The following KIT variants were observed in gnomAD, a reference collection of about 807,000 sequenced individuals.
KIT encodes mast/stem cell growth factor receptor Kit.
KIT carries 16 observed loss-of-function variants against 105.7 expected under a neutral mutation model. The observed-to-expected ratio is 0.15, with a 90% CI of 0.10 to 0.23. The LOEUF (loss-of-function observed/expected upper bound fraction) is 0.23, where lower values mean the gene tolerates loss of function less well. Among genes scored for constraint, KIT ranks in the 10% least tolerant of loss-of-function variants. The pLI is 1.00. For missense variants in KIT, 858 were observed against 1,213.8 expected (o/e 0.71, Z 4.36); for synonymous variants, 438 against 441.1 (o/e 0.99, Z 0.09).
intron 6 of KIT, among the ~76,000 whole-genome samples, chr4:54,708,584 T>G (rs1016574710): frequency 6.6e-6 from 1 of 151,994 alleles, no homozygotes; most frequent in African/African-American, 2.4e-5. Flanking sequence ...TTTGGGGGCA[T>G]GAAAGTAGCT....
chr4:54,712,067 A>G (rs1055967794), intron 7 of KIT, among the ~76,000 whole-genome samples: 1 of 152,170 alleles, frequency 6.6e-6, no homozygotes, highest in African/African-American at 2.4e-5. Flanking sequence ...TGCAAGCATA[A>G]TATGCATATT....
intron 1 of KIT, among the ~76,000 whole-genome samples, chr4:54,669,691 A>G (rs1717968725): frequency 1.4e-5 from 2 of 145,034 alleles, no homozygotes; most frequent in African/African-American, 5.2e-5. Context: ...AGAAAAGTCC[A>G]GGAGTCCAGA....
chr4:54,724,288 G>A (rs1229779735), intron 8 of KIT, among the ~76,000 whole-genome samples: 2 of 152,148 alleles, frequency 1.3e-5, no homozygotes, highest in Non-Finnish European at 2.9e-5. Context: ...GGTCACCACA[G>A]CTGTTTTTAT....
rs200051328 is a variant in KIT, at chr4:54,678,350, TTCCCTCCC to T, written c.68-17141_68-17134del. On this transcript the variant is annotated intron_variant, in intron 1 of 20. Transcript: ENST00000288135. Reference sequence around the variant, plus strand: ...CTTCCTTCCTTCCTTCCTTCCTTCCTTCCCTCCCTCCCTCCCTCCCTCCCTCCCCCAAT... The same window carrying T: ...CTTCCTTCCTTCCTTCCTTCCTTCCTTCCCTCCCTCCCTCCCTCCCCCAAT... Among the ~76,000 whole-genome samples, 17 of 58,956 alleles carry T rather than the reference TTCCCTCCC, an allele frequency of 2.9e-4. No individual in the cohort carries two copies. The East Asian group carries it at 5.7e-3, about 20-fold the overall frequency. 38.7% of individuals were successfully genotyped at this position (58,956 alleles called of 152,430 possible).
At chr4:54,662,209 A>T (rs1024714127) in intron 1 of KIT, among the ~76,000 whole-genome samples, 1 of 152,162 alleles carries the variant, frequency 6.6e-6, no homozygotes, top group Non-Finnish European at 1.5e-5. Flanking sequence ...CAGGAATCCA[A>T]ATATGCCCCT....
chr4:54,662,968 C>T (rs1717395341), intron 1 of KIT, among the ~76,000 whole-genome samples: 1 of 151,444 alleles, frequency 6.6e-6, no homozygotes, highest in Non-Finnish European at 1.5e-5. Flanking sequence ...TTGAATAGAT[C>T]TTGAACTTTT....
intron 1 of KIT, among the ~76,000 whole-genome samples, chr4:54,666,517 A>T (rs1224660604): frequency 1.3e-5 from 2 of 152,078 alleles, no homozygotes; most frequent in Non-Finnish European, 2.9e-5. Flanking sequence ...TGACCTCGTG[A>T]TCCACACACC....
chr4:54,723,633 A>G lies in KIT; in HGVS notation c.1281A>G (p.Gln427=), dbSNP rs376889675. ...ACAGGCTCGTGAATGGCATGCTCCA[A>G]TGTGTGGCAGCAGGATTCCCAGAGC... is the stretch of plus-strand genomic sequence containing the variant. ...TYDRLVNGML[Q]CVAAGFPEPT... is the part of the protein sequence containing the mutation. The change falls in exon 8 of 21, where the codon CAA becomes CAG. Residue 427 remains glutamine, a synonymous_variant. Transcript: ENST00000288135. 5.0e-6 allele frequency: 8 copies of G among 1,614,122 alleles called. No homozygotes were observed. The highest frequency in any genetic ancestry group is 2.2e-5 in the South Asian group (2 of 91,084).
intron 1 of KIT, among the ~76,000 whole-genome samples, chr4:54,662,990 G>C (rs573257495): frequency 3.4e-5 from 5 of 146,304 alleles, no homozygotes; most frequent in Admixed American, 6.7e-5. Context: ...TTTTCTCCAG[G>C]GGGGAAAAAA....
At chr4:54,693,192 T>C (rs1719828142) in intron 1 of KIT, among the ~76,000 whole-genome samples, 1 of 152,204 alleles carries the variant, frequency 6.6e-6, no homozygotes, top group Admixed American at 6.5e-5. Context: ...ATTGAAATTG[T>C]ACTTTAGAAT....
chr4:54,678,089 A>G lies in KIT; in HGVS notation c.68-17423A>G, dbSNP rs1560380968. ...AACGTCTGCTAGATTAAGTGAATGTAATAAAACACAGTAAATTTGGGAAAA... is the reference window on the plus strand; with the variant it reads ...AACGTCTGCTAGATTAAGTGAATGTGATAAAACACAGTAAATTTGGGAAAA... On this transcript the variant is annotated intron_variant, in intron 1 of 20. Transcript: ENST00000288135. Among the ~76,000 whole-genome samples, 3 of 152,322 alleles carry G rather than the reference A, an allele frequency of 2.0e-5. No individual in the cohort carries two copies. The East Asian group carries it at 5.8e-4, about 29-fold the overall frequency.
chr4:54,665,289 T>C (rs1042891551), intron 1 of KIT, among the ~76,000 whole-genome samples: 5 of 152,228 alleles, frequency 3.3e-5, no homozygotes, highest in East Asian at 1.9e-4. Flanking sequence ...TGTTCCTCCT[T>C]TGATGGACAT....
At chr4:54,672,544 C>T (rs1305115898) in intron 1 of KIT, among the ~76,000 whole-genome samples, 3 of 152,104 alleles carry the variant, frequency 2.0e-5, no homozygotes, top group African/African-American at 7.2e-5. Flanking sequence ...GTTCTTTGCT[C>T]TCTCTTTACT....
chr4:54,728,025 A>G lies in KIT; in HGVS notation c.1894A>G (p.Thr632Ala), dbSNP rs2109781293. ...TCCAATTTTAGCGAGTGCCCATTTG[A>G]CAGAACGGGAAGCCCTCATGTCTGA... ...VKMLKPSAHL[T>A]EREALMSELK... Residue 632 changes from threonine (T) to alanine (A), a missense_variant, in exon 13 of 21, where the codon ACA becomes GCA. Thr to Ala is a moderately conservative substitution (Grantham distance 58). Transcript: ENST00000288135. 1 of 1,613,992 alleles carries G rather than the reference A, an allele frequency of 6.2e-7. No homozygotes were observed. Among genetic ancestry groups the G allele is most frequent in the Non-Finnish European group, 8.5e-7 (1 of 1,179,916 alleles).
Position 54,678,314 on chromosome 4 carries a change from T to C in KIT, c.68-17198T>C, listed in dbSNP as rs1052117610. Among the ~76,000 whole-genome samples the C allele has an allele frequency of 6.3e-4, 50 of 79,544 alleles. 1 individual carries two copies. In the East Asian group the frequency reaches 0.016, roughly 25 times the overall value. 52.2% of individuals were successfully genotyped at this position (79,544 alleles called of 152,430 possible). On this transcript the variant is annotated intron_variant, in intron 1 of 20. Coordinates refer to ENST00000288135, the MANE Select transcript of KIT (RefSeq NM_000222.3). ...GCTCCTTCCTTCCTTCCTTCCTTCC[T>C]TCCTTCCTTCCTTCCTTCCTTCCTT...
chr4:54,713,120 T>A lies in KIT; in HGVS notation c.1231+3581T>A, dbSNP rs191801922. On this transcript the variant is annotated intron_variant, in intron 7 of 20. Transcript: ENST00000288135. ...TATTATGTGGTAGTATTTTTAAAAA[T>A]TTTATTTCAATAGTTTTTGGGGAAC... Among the ~76,000 whole-genome samples, 102 of 152,222 alleles carry A rather than the reference T, an allele frequency of 6.7e-4. 3 individuals are homozygous for A. The South Asian group carries it at 0.018, about 26-fold the overall frequency.
chr4:54,718,591 A>G (rs1336660420), intron 7 of KIT, among the ~76,000 whole-genome samples: 2 of 152,236 alleles, frequency 1.3e-5, no homozygotes, highest in Non-Finnish European at 2.9e-5. Context: ...GAGTTGCAGG[A>G]AAGACCTTAT....
intron 7 of KIT, among the ~76,000 whole-genome samples, chr4:54,714,924 G>A (rs1721375024): frequency 6.6e-6 from 1 of 152,206 alleles, no homozygotes; most frequent in Non-Finnish European, 1.5e-5. Context: ...TGTTGAGCTA[G>A]ATTGGAAGCC....
At chr4:54,668,361 G>A (rs1717850985) in intron 1 of KIT, among the ~76,000 whole-genome samples, 1 of 152,212 alleles carries the variant, frequency 6.6e-6, no homozygotes, top group South Asian at 2.1e-4. Flanking sequence ...AATGAAAAAG[G>A]TGAAACGGTT....
Sources: gnomAD v4.1 joint callset for allele counts (sites outside exome capture counted in the v4.1 genomes callset) on GRCh38, gnomAD v4.1.1 for gene constraint, MANE v1.5 for transcripts, NCBI Gene and HGNC (gene_info 2026-07-23, HGNC 2026-07-21) for gene names.